Variants in FBN3 observed in about 807,000 individuals in gnomAD.
FBN3 encodes the protein fibrillin 3.
In FBN3, 234 loss-of-function variants were observed where a neutral mutation model predicts 330.1. The ratio of observed to expected loss-of-function variants is 0.71; its 90% CI spans 0.64 to 0.79. FBN3 has a LOEUF of 0.79. Ranked by LOEUF, FBN3 falls within the 30% of genes least tolerant of loss-of-function variation. The pLI is 0.00. For synonymous variants in FBN3, 1,458 were observed against 1,517.3 expected (o/e 0.96, Z 0.91); for missense variants, 3,606 against 3,886.9 (o/e 0.93, Z 1.92).
In FBN3 at chr19:8,147,381, C is replaced by G; in HGVS notation, c.100G>C (p.Asp34His). ...LCMAGGQGRWDGALEAAGPGR... is the reference protein window; with the variant it reads ...LCMAGGQGRWHGALEAAGPGR... ...GGACCTGCAGCCTCCAAGGCCCCGT[C>G]CCAGCGGCCTTGGCCACCTGCCATG... is the stretch of plus-strand genomic sequence containing the variant. The change falls in exon 2 of 64, where the codon GAC (aspartate) becomes CAC (histidine). Residue 34 changes from aspartate to histidine, a missense_variant. Transcript: ENST00000600128. 6.3e-7 allele frequency: 1 copy of G among 1,599,086 alleles called. No homozygotes were observed. The highest frequency in any genetic ancestry group is 1.1e-5 in the South Asian group (1 of 88,634).
chr19:8,101,220 G>A (rs980671964), intron 40 of FBN3, among the ~76,000 whole-genome samples: 5 of 152,182 alleles, frequency 3.3e-5, no homozygotes, highest in African/African-American at 1.2e-4. Flanking sequence ...AACCTCCCAG[G>A]TTCAGGTGAC....
chr19:8,070,485 G>C (rs77384136), intron 63 of FBN3, among the ~76,000 whole-genome samples: 9 of 152,136 alleles, frequency 5.9e-5, no homozygotes, highest in African/African-American at 2.2e-4. Flanking sequence ...GTCTGCAGTG[G>C]GGGTGAGTTT....
Position 8,131,387 on chromosome 19 carries a change from T to C in FBN3, c.1991-99A>G. 6.7e-7 allele frequency: 1 copy of C among 1,495,928 alleles called. No homozygotes were observed. Among genetic ancestry groups the C allele is most frequent in the Admixed American group, 1.8e-5 (1 of 54,782 alleles). The allele number at this position is 1,495,928 out of a possible 1,614,324, so 92.7% of individuals were successfully genotyped here. A position where few individuals can be genotyped will look rare whatever the true frequency, so the allele number is the denominator to read the frequency against. ...GAGGCCCTCTGGTCTTGGGCAAGAGTTTGGGACTAAGACACAACTCCAACC... is the reference window on the plus strand; with the variant it reads ...GAGGCCCTCTGGTCTTGGGCAAGAGCTTGGGACTAAGACACAACTCCAACC... On this transcript the variant is annotated intron_variant, in intron 15 of 63. Transcript: ENST00000600128. This position sits in a 1 kb window ranked among gnomAD's most constrained non-coding sequence, Gnocchi z 4.5.
At position 8,123,607 on chromosome 19, in the gene FBN3, C is replaced by A; in HGVS notation, c.2957-18G>T. 6.2e-7 allele frequency: 1 copy of A among 1,613,378 alleles called. No homozygotes were observed. The highest frequency in any genetic ancestry group is 1.1e-5 in the South Asian group (1 of 91,060). ...ATTCACATCTGAAGTACAGGGGCAT[C>A]AAACCACCCTGACGTCCCCAAGCTC... On this transcript the variant is annotated intron_variant, in intron 23 of 63. Transcript: ENST00000600128.
chr19:8,145,394 AAAAG>A (rs1216521811), intron 5 of FBN3, among the ~76,000 whole-genome samples: 9 of 131,396 alleles, frequency 6.8e-5, no homozygotes, highest in South Asian at 2.3e-4. Flanking sequence ...AAAAAAAAAA[AAAAG>A]GGCCGGGCAC....
At chr19:8,110,358 C>T (rs1227570056) in intron 34 of FBN3, among the ~76,000 whole-genome samples, 1 of 152,188 alleles carries the variant, frequency 6.6e-6, no homozygotes, top group Non-Finnish European at 1.5e-5. Flanking sequence ...CACTCCCAGC[C>T]AAAACCCATA....
At chr19:8,072,618 G>A (rs1012836046) in intron 62 of FBN3, among the ~76,000 whole-genome samples, 2 of 152,094 alleles carry the variant, frequency 1.3e-5, no homozygotes, top group South Asian at 4.2e-4. Context: ...GATGGCTGAC[G>A]CGTGCTTCCT....
At chr19:8,111,623 T>TCCCCCCCC in intron 32 of FBN3, 25 bp downstream of exon 32, 1 of 872,732 alleles carries the variant, frequency 1.1e-6, no homozygotes. Flanking sequence ...CTAGGGCCCC[T>TCCCCCCCC]GCCCTCCCAC....
chr19:8,077,980 G>GA (rs1416951204), intron 59 of FBN3, among the ~76,000 whole-genome samples: 1 of 25,076 alleles, frequency 4.0e-5, no homozygotes, highest in African/African-American at 7.3e-4. Context: ...GGGAAGCTGA[G>GA]GCAGGAGGAT....
chr19:8,137,035 A>G (rs62123272), intron 10 of FBN3, among the ~76,000 whole-genome samples: 122,233 of 137,166 alleles, frequency 0.89, 54,306 homozygotes, highest in African/African-American at 0.91. Flanking sequence ...CCAAACTGGC[A>G]CCTCGATCCC....
At chr19:8,132,772 G>T (rs528324402) in intron 14 of FBN3, among the ~76,000 whole-genome samples, 1 of 152,176 alleles carries the variant, frequency 6.6e-6, no homozygotes, top group Non-Finnish European at 1.5e-5. Context: ...GACTACAGGC[G>T]TGAGCCACGG....
Position 8,072,208 on chromosome 19 carries a change from G to A in FBN3, c.7938-10C>T, listed in dbSNP as rs2081530709. 34 of 1,522,340 alleles carry A rather than the reference G, an allele frequency of 2.2e-5. No individual in the cohort carries two copies. Among genetic ancestry groups the A allele is most frequent in the Non-Finnish European group, 3.0e-5 (34 of 1,137,916 alleles). 94.3% of individuals were successfully genotyped at this position (1,522,340 alleles called of 1,614,324 possible). On this transcript the variant is annotated splice_polypyrimidine_tract_variant and intron_variant, in intron 62 of 63. Transcript: ENST00000600128. ...GCCGGAGACACAGTGCCTGGGCCAGGATGGGCAGGGTGGAGGGGTTTCAGA... is the reference window on the plus strand; with the variant it reads ...GCCGGAGACACAGTGCCTGGGCCAGAATGGGCAGGGTGGAGGGGTTTCAGA...
rs180748877 is a variant in FBN3 at position 8,119,706 on chromosome 19, G to A, written c.3212-684C>T. Among the ~76,000 whole-genome samples the A allele has an allele frequency of 2.6e-3, 394 of 150,300 alleles. 3 individuals are homozygous for A. The highest frequency in any genetic ancestry group is 9.3e-3 in the African/African-American group (380 of 40,844). ...TTTTTGTATTTTTAGTAGAGACAGC[G>A]TTTCACCATGTTGGCCAGGCTGGTC... On this transcript the variant is annotated intron_variant, in intron 25 of 63. Transcript: ENST00000600128.
At chr19:8,133,536 C>T (rs1465638074) in intron 13 of FBN3, among the ~76,000 whole-genome samples, 5 of 152,066 alleles carry the variant, frequency 3.3e-5, no homozygotes, top group East Asian at 1.9e-4. Flanking sequence ...CTGCAACCTC[C>T]GCCTCGCGGG....
intron 13 of FBN3, 26 bp downstream of exon 13, chr19:8,135,935 T>TTGGGGGGGGGGGGGCG: frequency 2.2e-5 from 29 of 1,344,154 alleles, no homozygotes; most frequent in East Asian, 2.7e-5. Flanking sequence ...CGGAAGCCCC[T>TTGGGGGGGGGGGGGCG]GCCCACCCGC....
chr19:8,136,606 C>A, intron 10 of FBN3, 75 bp from the exon 11 acceptor site: 1 of 1,584,588 alleles, frequency 6.3e-7, no homozygotes, highest in Non-Finnish European at 8.6e-7. Context: ...CTTCACCTCT[C>A]TAGGCCCAGA....
At chr19:8,114,748 C>CT (rs139927660) in intron 30 of FBN3, among the ~76,000 whole-genome samples, 93 of 145,830 alleles carry the variant, frequency 6.4e-4, no homozygotes, top group East Asian at 1.2e-3. Context: ...TACTTATTTT[C>CT]TTTTTTTTTT....
intron 46 of FBN3, 145 bp from the exon 47 acceptor site, chr19:8,094,710 G>A (rs2082173803): frequency 2.4e-6 from 2 of 848,296 alleles, no homozygotes; most frequent in East Asian, 5.6e-5. Flanking sequence ...TCCAGGGCAA[G>A]GGCTGAGACT....
intron 59 of FBN3, among the ~76,000 whole-genome samples, chr19:8,076,532 G>A (rs113543584): frequency 5.9e-5 from 9 of 152,162 alleles, no homozygotes; most frequent in African/African-American, 1.9e-4. Context: ...CCAGCTACTC[G>A]GGAGGCTGAG....
Sources: gnomAD v4.1 joint callset for allele counts (sites outside exome capture counted in the v4.1 genomes callset) on GRCh38, gnomAD v4.1.1 for gene constraint, Gnocchi (gnomAD v3.1) non-coding constraint, MANE v1.5 for transcripts, NCBI Gene and HGNC (gene_info 2026-07-23, HGNC 2026-07-21) for gene names.